BCDIN3D: variants seen among roughly 807,000 people sequenced by gnomAD.
The protein encoded by BCDIN3D is BCDIN3 domain containing RNA methyltransferase.
BCDIN3D carries 15 observed loss-of-function variants against 21.2 expected under a neutral mutation model. The ratio of observed to expected loss-of-function variants is 0.71; its 90% CI spans 0.47 to 1.09. BCDIN3D has a LOEUF of 1.09. BCDIN3D is among the 50% of genes least tolerant of loss of function. The pLI is 0.00. For synonymous variants in BCDIN3D, 127 were observed against 141.9 expected (o/e 0.90, Z 0.75); for missense variants, 331 against 366.2 (o/e 0.90, Z 0.79).
intron 1 of BCDIN3D, 80 bp from the exon 2 acceptor site, chr12:49,839,095 A>G: frequency 6.9e-7 from 1 of 1,446,554 alleles, no homozygotes; most frequent in Non-Finnish European, 9.3e-7. Context: ...TCTCCCACTG[A>G]GAATGCCACT....
Position 49,837,356 on chromosome 12 carries a change from C to T in BCDIN3D, c.*1015G>A, listed in dbSNP as rs1327199935. 10 of 134,054 alleles carry T rather than the reference C, an allele frequency of 7.5e-5. No individual in the cohort carries two copies. In the South Asian group the frequency reaches 2.2e-3, roughly 30 times the overall value. The allele number at this position is 134,054 out of a possible 1,614,324, so 8.3% of individuals were successfully genotyped here. A position where few individuals can be genotyped will look rare whatever the true frequency, so the allele number is the denominator to read the frequency against. ...AGGCTGGAGTGCAGTGGCGGGATCT[C>T]GGCTCACTGCAAGCTCCGCCTCCCG... On this transcript the variant is annotated 3_prime_UTR_variant, in exon 2 of 2. Coordinates refer to ENST00000333924, the MANE Select transcript of BCDIN3D (RefSeq NM_181708.3).
At chr12:49,839,297 G>T in intron 1 of BCDIN3D, 1 of 402,536 alleles carries the variant, frequency 2.5e-6, no homozygotes, top group South Asian at 2.8e-5. Flanking sequence ...ATGCAGCAAA[G>T]GAACCTACAG....
rs1052845515 is a variant in BCDIN3D at position 49,837,594 on chromosome 12, G to A, written c.*777C>T. On this transcript the variant is annotated 3_prime_UTR_variant, in exon 2 of 2. Coordinates refer to ENST00000333924, the MANE Select transcript of BCDIN3D (RefSeq NM_181708.3). ...GAGCCACCGCGCCCGGCCGCATGTA[G>A]GTAGTTGTTAAAACCATAGGGAAGA... 1 of 152,066 alleles carries A rather than the reference G, an allele frequency of 6.6e-6. No homozygotes were observed. The highest frequency in any genetic ancestry group is 2.4e-5 in the African/African-American group (1 of 41,370). 9.4% of individuals were successfully genotyped at this position (152,066 alleles called of 1,614,324 possible). A position where few individuals can be genotyped will look rare whatever the true frequency, so the allele number is the denominator to read the frequency against.
At position 49,838,463 on chromosome 12, in the gene BCDIN3D, T is replaced by C. The variant is rs1310361245; in HGVS notation, c.787A>G (p.Arg263Gly). The C allele has an allele frequency of 1.2e-6, 2 of 1,614,036 alleles. No homozygotes were observed. The highest frequency in any genetic ancestry group is 1.1e-5 in the South Asian group (1 of 91,082). Residue 263 changes from arginine (R) to glycine (G), a missense_variant, in exon 2 of 2, where the codon AGG (arginine) becomes GGG (glycine). Arg to Gly is a moderately radical substitution (Grantham distance 125). Coordinates refer to ENST00000333924, the MANE Select transcript of BCDIN3D (RefSeq NM_181708.3). ...TSWDRSLLLFRAKQTIETHPI... is the reference protein window; with the variant it reads ...TSWDRSLLLFGAKQTIETHPI... ...TGAGTCTCTATGGTTTGTTTTGCCC[T>C]GAAGAGCAGAAGGCTTCTGTCCCAA...
At position 49,838,597 on chromosome 12, in the gene BCDIN3D, A is replaced by C. The variant is rs1400333864; in HGVS notation, c.653T>G (p.Phe218Cys). ...RRLRKLGLHD[F>C]DHFHSLAIRG... ...GATGGCAAGGGAGTGGAAGTGGTCA[A>C]AATCATGGAGTCCCAGCTTTCGGAG... is the stretch of plus-strand genomic sequence containing the variant. Residue 218 changes from phenylalanine (F) to cysteine (C), a missense_variant, in exon 2 of 2, where the codon TTT (phenylalanine) becomes TGT (cysteine). Phe to Cys is a radical substitution (Grantham distance 205, BLOSUM62 -2). Transcript: ENST00000333924. The C allele has an allele frequency of 6.2e-7, 1 of 1,613,858 alleles. No individual in the cohort carries two copies. The highest frequency in any genetic ancestry group is 8.5e-7 in the Non-Finnish European group (1 of 1,179,864).
Position 49,838,163 on chromosome 12 carries a change from C to T in BCDIN3D, c.*208G>A, listed in dbSNP as rs529583338. The stretch of plus-strand genomic sequence containing the variant: ...CCATCTCAATCCAGATATCCTAGCT[C>T]ATCACTCCACAGATTCATTCTCCTC... On this transcript the variant is annotated 3_prime_UTR_variant, in exon 2 of 2. Transcript: ENST00000333924. 1,049 of 562,972 alleles carry T rather than the reference C, an allele frequency of 1.9e-3. 7 individuals are homozygous for T. Among genetic ancestry groups the T allele is most frequent in the African/African-American group, 0.018 (931 of 53,048 alleles). 34.9% of individuals were successfully genotyped at this position (562,972 alleles called of 1,614,324 possible). A position where few individuals can be genotyped will look rare whatever the true frequency, so the allele number is the denominator to read the frequency against.
chr12:49,841,919 G>A (rs1946555743), intron 1 of BCDIN3D, among the ~76,000 whole-genome samples: 1 of 152,206 alleles, frequency 6.6e-6, no homozygotes, highest in African/African-American at 2.4e-5. Flanking sequence ...GCTACAAATA[G>A]GTGTGGGAGA....
intron 1 of BCDIN3D, 100 bp from the exon 2 acceptor site, chr12:49,839,115 C>G (rs567510981): frequency 7.4e-7 from 1 of 1,354,232 alleles, no homozygotes; most frequent in East Asian, 2.3e-5. Context: ...TTACCTCTGG[C>G]TGTATAGGAT....
Position 49,838,570 on chromosome 12 carries a change from CG to C in BCDIN3D, c.679del (p.Arg227GlufsTer12). ...DFDHFHSLAI[R>X]GDMPNQIVQI... The stretch of plus-strand genomic sequence containing the variant: ...CACAATCTGATTGGGCATGTCACCT[CG>C]GATGGCAAGGGAGTGGAAGTGGTCA... On this transcript the variant is annotated frameshift_variant, in exon 2 of 2. Transcript: ENST00000333924. LOFTEE classifies it high-confidence loss of function. The C allele has an allele frequency of 6.2e-7, 1 of 1,614,120 alleles. No homozygotes were observed. The highest frequency in any genetic ancestry group is 1.3e-5 in the African/African-American group (1 of 75,022).
rs764767818 is a variant in BCDIN3D, at chr12:49,838,971, G to A, written c.279C>T (p.Asp93=). Residue 93 remains aspartate, a synonymous_variant, in exon 2 of 2, where the codon GAC becomes GAT. Transcript: ENST00000333924. Reference sequence around the variant, plus strand: ...TTGAGGCATCTGAGCAGGTTTCCCCGTCAGGTAGGGAGAGGAAGTGTTTGT... The same window carrying A: ...TTGAGGCATCTGAGCAGGTTTCCCCATCAGGTAGGGAGAGGAAGTGTTTGT... The part of the protein sequence containing the change: ...ALYKHFLSLP[D]GETCSDASRE... The A allele has an allele frequency of 7.4e-6, 12 of 1,614,028 alleles. No homozygotes were observed. The highest frequency in any genetic ancestry group is 4.4e-5 in the South Asian group (4 of 91,074).
intron 1 of BCDIN3D, chr12:49,842,639 C>T: frequency 1.9e-6 from 1 of 533,078 alleles, no homozygotes. Flanking sequence ...AAAGTGGGAA[C>T]GTAGTCGACA....
At chr12:49,842,727 C>T (rs1946561694) in intron 1 of BCDIN3D, 127 bp downstream of exon 1, 7 of 873,546 alleles carry the variant, frequency 8.0e-6, no homozygotes, top group Non-Finnish European at 1.3e-5. Flanking sequence ...CTGGCTCAGT[C>T]AAAGCCACGC....
At position 49,842,938 on chromosome 12, in the gene BCDIN3D, C is replaced by A. The variant is rs201328625; in HGVS notation, c.150G>T (p.Leu50=). The A allele has an allele frequency of 8.3e-5, 134 of 1,614,172 alleles. 1 individual carries two copies. The East Asian group carries it at 2.9e-3, about 35-fold the overall frequency. The change falls in exon 1 of 2, where the codon CTG becomes CTT. Residue 50 remains leucine, a synonymous_variant. Coordinates refer to ENST00000333924, the MANE Select transcript of BCDIN3D (RefSeq NM_181708.3). The stretch of plus-strand genomic sequence containing the variant: ...AGAGCTGTCGAAGCAGCTCCGGGGG[C>A]AGGAGGCGGAGCCGTTGCTCCGGAG... ...FHPPEQRLRL[L]PPELLRQLFP... is the part of the protein sequence containing the mutation.
chr12:49,842,782 C>G, intron 1 of BCDIN3D, 72 bp downstream of exon 1: 1 of 1,367,022 alleles, frequency 7.3e-7, no homozygotes, highest in South Asian at 1.3e-5. Context: ...TAGCCCAGGC[C>G]AGAACCACAG....
chr12:49,841,016 G>A (rs1946549076), intron 1 of BCDIN3D: 1 of 151,430 alleles, frequency 6.6e-6, no homozygotes, highest in Non-Finnish European at 1.5e-5. Context: ...GTTTTGCCAT[G>A]TTGCCCAGGC....
rs999967633 is a variant in BCDIN3D, at chr12:49,837,437, G to A, written c.*934C>T. 5.3e-5 allele frequency: 8 copies of A among 151,368 alleles called. No individual in the cohort carries two copies. The highest frequency in any genetic ancestry group is 1.7e-4 in the African/African-American group (7 of 41,188). 9.4% of individuals were successfully genotyped at this position (151,368 alleles called of 1,614,324 possible). ...CAAGTAGCTGGGACTACAGGCGCCC[G>A]CCACTACGCCCGGCTAATTTTTTGT... On this transcript the variant is annotated 3_prime_UTR_variant, in exon 2 of 2. Coordinates refer to ENST00000333924, the MANE Select transcript of BCDIN3D (RefSeq NM_181708.3).
chr12:49,839,450 AC>A (rs1253046145), intron 1 of BCDIN3D: 29 of 161,480 alleles, frequency 1.8e-4, no homozygotes, highest in Admixed American at 1.7e-3. Context: ...GCACAATCTT[AC>A]AAAAACCTGC....
At chr12:49,841,304 C>T (rs10875978) in intron 1 of BCDIN3D, among the ~76,000 whole-genome samples, 2,777 of 152,240 alleles carry the variant, frequency 0.018, 87 homozygotes, top group African/African-American at 0.064. Flanking sequence ...GGAGTAGAGA[C>T]TTACTTTTTA....
At position 49,842,937 on chromosome 12, in the gene BCDIN3D, G is replaced by T. The variant is rs199807787; in HGVS notation, c.151C>A (p.Pro51Thr). 3 of 1,614,090 alleles carry T rather than the reference G, an allele frequency of 1.9e-6. No individual in the cohort carries two copies. The highest frequency in any genetic ancestry group is 2.5e-6 in the Non-Finnish European group (3 of 1,180,038). The stretch of plus-strand genomic sequence containing the variant: ...AAGAGCTGTCGAAGCAGCTCCGGGG[G>T]CAGGAGGCGGAGCCGTTGCTCCGGA... ...HPPEQRLRLL[P>T]PELLRQLFPE... Residue 51 changes from proline to threonine, a missense_variant, in exon 1 of 2, where the codon CCC becomes ACC. By Grantham distance (38) the Pro-to-Thr change is conservative (BLOSUM62 -1). Coordinates refer to ENST00000333924, the MANE Select transcript of BCDIN3D (RefSeq NM_181708.3).
Sources: allele counts gnomAD v4.1 joint callset (sites outside exome capture counted in the v4.1 genomes callset), GRCh38; gene constraint gnomAD v4.1.1; transcripts MANE v1.5; gene names NCBI Gene and HGNC (gene_info 2026-07-23, HGNC 2026-07-21).